The following COL4A3 variants were observed in gnomAD, a reference collection of about 807,000 sequenced individuals.
The protein encoded by COL4A3 is collagen type IV alpha 3 chain, also known as collagen alpha-3(IV) chain.
In COL4A3, 135 loss-of-function variants were observed where a neutral mutation model predicts 217.4. The ratio of observed to expected loss-of-function variants is 0.62; its 90% CI spans 0.54 to 0.72. The LOEUF (loss-of-function observed/expected upper bound fraction) is 0.72. Among genes scored for constraint, COL4A3 ranks in the 30% least tolerant of loss-of-function variants. The pLI is 0.00. For missense variants in COL4A3, 1,868 were observed against 2,119.9 expected, an observed-to-expected ratio of 0.88 and a Z score of 2.33; for synonymous variants, 690 against 736.3, an observed-to-expected ratio of 0.94 and a Z score of 1.02.
In COL4A3 at chr2:227,270,861, C is replaced by T. The variant is rs768989338; in HGVS notation, c.1667C>T (p.Pro556Leu). The T allele has an allele frequency of 3.9e-5, 63 of 1,613,964 alleles. 1 individual carries two copies. The highest frequency in any genetic ancestry group is 5.2e-5 in the Non-Finnish European group (61 of 1,180,012). ...GGGCAAGTGGGTGTCCCAGGTGACC[C>T]GGGGCTCAGAGGCCAACCTGGGAGA... ...PEGQVGVPGD[P>L]GLRGQPGRKG... The change falls in exon 25 of 52, where the codon CCG becomes CTG. Residue 556 changes from proline to leucine, a missense_variant. Transcript: ENST00000396578.
chr2:227,247,104 G>A (rs148360991), intron 7 of COL4A3, among the ~76,000 whole-genome samples: 186 of 152,342 alleles, frequency 1.2e-3, no homozygotes, highest in Non-Finnish European at 2.2e-3. Flanking sequence ...CTGTAAAGGA[G>A]GAGCAGCCCT....
intron 1 of COL4A3, among the ~76,000 whole-genome samples, chr2:227,219,323 C>A (rs554699459): frequency 6.6e-6 from 1 of 152,200 alleles, no homozygotes; most frequent in Admixed American, 6.5e-5. Context: ...TATTTCTATC[C>A]CATCTTTGCC....
intron 1 of COL4A3, among the ~76,000 whole-genome samples, chr2:227,209,911 T>C (rs1337807255): frequency 1.3e-5 from 2 of 152,208 alleles, no homozygotes; most frequent in African/African-American, 2.4e-5. Flanking sequence ...TCTTTTTATA[T>C]GGATATGTTC....
In COL4A3 at chr2:227,298,434, G is replaced by C. The variant is rs56058318; in HGVS notation, c.3752-248G>C. 0.026 allele frequency among the ~76,000 whole-genome samples: 3,977 copies of C among 152,264 alleles called. 181 individuals are homozygous for C. Among genetic ancestry groups the C allele is most frequent in the African/African-American group, 0.091 (3,771 of 41,540 alleles). On this transcript the variant is annotated intron_variant, in intron 42 of 51. Coordinates refer to ENST00000396578, the MANE Select transcript of COL4A3 (RefSeq NM_000091.5). ...CCCTAGAGCTGGGCTAGGCTCTAGG[G>C]AAGCAGGCACAGACCCTGCTGTAAC...
chr2:227,288,120 G>T (rs1040327149), intron 34 of COL4A3, among the ~76,000 whole-genome samples: 1 of 152,180 alleles, frequency 6.6e-6, no homozygotes, highest in Admixed American at 6.5e-5. Context: ...TTTTGAGACG[G>T]AGTCTCGCTC....
At chr2:227,285,681 A>G (rs1020800261) in intron 34 of COL4A3, among the ~76,000 whole-genome samples, 3 of 152,224 alleles carry the variant, frequency 2.0e-5, no homozygotes, top group Non-Finnish European at 4.4e-5. Context: ...TGGCGCTCAC[A>G]GTATAAATGC....
At chr2:227,185,191 C>T (rs1181473739) in intron 1 of COL4A3, among the ~76,000 whole-genome samples, 2 of 152,112 alleles carry the variant, frequency 1.3e-5, no homozygotes, top group Admixed American at 6.5e-5. Flanking sequence ...TGAGCCACAG[C>T]GCCCGGCCCT....
rs551239034 is a variant in COL4A3 at position 227,279,258 on chromosome 2, TG to T, written c.2126-534del. Among the ~76,000 whole-genome samples the T allele has an allele frequency of 9.9e-5, 15 of 151,672 alleles. No individual in the cohort carries two copies. In the South Asian group the frequency reaches 1.3e-3, roughly 13 times the overall value. On this transcript the variant is annotated intron_variant, in intron 28 of 51. Transcript: ENST00000396578. Reference sequence around the variant, plus strand: ...CATGCCTGGCTAGTTTTTTTGTTGTTGTTTTTTTTGTTGTTGTTGTTTTTGT... The same window carrying T: ...CATGCCTGGCTAGTTTTTTTGTTGTTTTTTTTTTGTTGTTGTTGTTTTTGT...
In COL4A3 at chr2:227,311,830, TA is replaced by T; in HGVS notation, c.4975del (p.Ile1659Ter). The T allele has an allele frequency of 6.2e-7, 1 of 1,613,970 alleles. No individual in the cohort carries two copies. The highest frequency in any genetic ancestry group is 8.5e-7 in the Non-Finnish European group (1 of 1,179,976). On this transcript the variant is annotated frameshift_variant, in exon 52 of 52. Transcript: ENST00000396578. LOFTEE classifies it high-confidence loss of function. ...STVKAGELEK[I>X]ISRCQVCMKK... The stretch of plus-strand genomic sequence containing the variant: ...GTGAAAGCTGGGGAATTAGAAAAAA[TA>T]ATAAGTCGCTGTCAGGTGTGCATGA...
At chr2:227,275,342 G>C (rs2071494317) in intron 26 of COL4A3, among the ~76,000 whole-genome samples, 1 of 152,040 alleles carries the variant, frequency 6.6e-6, no homozygotes, top group Admixed American at 6.6e-5. Context: ...CACCAGGCCT[G>C]ATTAATTTTT....
At chr2:227,245,711 T>C (rs994376671) in intron 5 of COL4A3, 4 of 562,966 alleles carry the variant, frequency 7.1e-6, no homozygotes, top group East Asian at 3.0e-5. Context: ...TTTTATTTTA[T>C]GGATAAAAGG....
rs2071319933 is a variant in COL4A3, at chr2:227,272,781, G to A, written c.1759-168G>A. Among the ~76,000 whole-genome samples, 2 of 152,208 alleles carry A rather than the reference G, an allele frequency of 1.3e-5. 1 individual carries two copies. Among genetic ancestry groups the A allele is most frequent in the South Asian group, 4.1e-4 (2 of 4,830 alleles). On this transcript the variant is annotated intron_variant, in intron 25 of 51. Transcript: ENST00000396578. ...AAACTCCAAAGGACACAAAACGGAA[G>A]AAACCTGCAGTGCTCTTACTTTAGT... is the stretch of plus-strand genomic sequence containing the variant.
chr2:227,172,062 C>T (rs1445323381), intron 1 of COL4A3, among the ~76,000 whole-genome samples: 2 of 152,162 alleles, frequency 1.3e-5, no homozygotes, highest in Non-Finnish European at 2.9e-5. Flanking sequence ...TCTTCCTTTA[C>T]ACTTGGAATG....
intron 1 of COL4A3, among the ~76,000 whole-genome samples, chr2:227,185,051 G>A (rs570373843): frequency 1.1e-4 from 17 of 151,804 alleles, no homozygotes; most frequent in African/African-American, 3.1e-4. Flanking sequence ...ACAGGCGCCC[G>A]CCACACGCCC....
intron 41 of COL4A3, 42 bp downstream of exon 41, chr2:227,295,358 A>T: frequency 6.4e-7 from 1 of 1,574,182 alleles, no homozygotes; most frequent in Admixed American, 1.7e-5. Flanking sequence ...CACATTTTCA[A>T]GGAGAGAAAG....
chr2:227,298,906 A>T, intron 43 of COL4A3, 94 bp downstream of exon 43: 1 of 1,204,882 alleles, frequency 8.3e-7, no homozygotes, highest in Non-Finnish European at 1.2e-6. Context: ...TGTTGATGTT[A>T]ACTGTATTAG....
At chr2:227,244,678 T>C (rs897268222) in intron 4 of COL4A3, 17 of 631,870 alleles carry the variant, frequency 2.7e-5, no homozygotes, top group Admixed American at 5.4e-5. Flanking sequence ...TCTCAAAAGA[T>C]TGGAGCACTT....
At chr2:227,185,320 G>C (rs757759349) in intron 1 of COL4A3, among the ~76,000 whole-genome samples, 1 of 152,172 alleles carries the variant, frequency 6.6e-6, no homozygotes, top group Non-Finnish European at 1.5e-5. Context: ...AAGGATGGGT[G>C]GTTTGAGGTG....
intron 1 of COL4A3, among the ~76,000 whole-genome samples, chr2:227,172,581 CTTTT>C (rs11315628): frequency 2.7e-5 from 2 of 73,594 alleles, no homozygotes; most frequent in Non-Finnish European, 4.8e-5. Flanking sequence ...TCGTCTTCTT[CTTTT>C]TTTTTTTTTT....
Sources: allele counts gnomAD v4.1 joint callset (sites outside exome capture counted in the v4.1 genomes callset), GRCh38; gene constraint gnomAD v4.1.1; transcripts MANE v1.5; gene names NCBI Gene and HGNC (gene_info 2026-07-23, HGNC 2026-07-21).